The following ZNF514 variants were observed in gnomAD, a reference collection of about 807,000 sequenced individuals.
ZNF514 encodes zinc finger protein 514.
ZNF514 carries 12 observed loss-of-function variants against 9.7 expected under a neutral mutation model. That is an observed-to-expected ratio of 1.24 (90% CI 0.79 to 2.01). The LOEUF (loss-of-function observed/expected upper bound fraction) is 2.01. ZNF514 is among the 30% of genes most tolerant of loss of function. The probability of loss-of-function intolerance (pLI) is 0.00; values close to 1 mark genes in which losing one functional copy is unlikely to be tolerated. For missense variants in ZNF514, 467 were observed against 465.5 expected, an observed-to-expected ratio of 1.00 and a Z score of -0.03; for synonymous variants, 158 against 163.7, an observed-to-expected ratio of 0.97 and a Z score of 0.27.
rs750754146 is a variant in ZNF514 at position 95,145,341 on chromosome 2, T to C, written c.*3941A>G. On this transcript the variant is annotated 3_prime_UTR_variant, in exon 5 of 5. Coordinates refer to ENST00000295208, the MANE Select transcript of ZNF514 (RefSeq NM_032788.3). ...AGCATTAACATTAAAACAGAGACCT[T>C]AAGACTGACAAAAACAGGCTCTTTG... 9.2e-5 allele frequency among the ~76,000 whole-genome samples: 14 copies of C among 152,208 alleles called. No individual in the cohort carries two copies. Among genetic ancestry groups the C allele is most frequent in the Middle Eastern group, 6.8e-3 (2 of 294 alleles).
In ZNF514 at chr2:95,149,274, C is replaced by T. The variant is rs759034269; in HGVS notation, c.*8G>A. ...CTCCAGCTGAAAGCCCTTCTATATT[C>T]ACTGAATTTATAGGGTTTTTTTTCC... is the stretch of plus-strand genomic sequence containing the variant. On this transcript the variant is annotated 3_prime_UTR_variant, in exon 5 of 5. Transcript: ENST00000295208. The T allele has an allele frequency of 3.9e-6, 6 of 1,555,162 alleles. No individual in the cohort carries two copies. The highest frequency in any genetic ancestry group is 5.2e-6 in the Non-Finnish European group (6 of 1,153,892).
At chr2:95,132,729 G>A in the ZNF514 span, among the ~76,000 whole-genome samples, 4 of 151,838 alleles carry the variant, frequency 2.6e-5, no homozygotes, top group East Asian at 1.9e-4. Context: ...TAAGCCGGCC[G>A]TGGTGGCATG....
chr2:95,125,439 C>G, the ZNF514 span, among the ~76,000 whole-genome samples: 1 of 151,902 alleles, frequency 6.6e-6, no homozygotes, highest in Admixed American at 6.6e-5. Flanking sequence ...CAGGTTTCAC[C>G]ATGTTAGCCA....
chr2:95,139,582 T>A, the ZNF514 span, among the ~76,000 whole-genome samples: 1 of 145,028 alleles, frequency 6.9e-6, no homozygotes, highest in Non-Finnish European at 1.5e-5. Context: ...ACCCCTTGTA[T>A]CTTGAAAGTA....
At chr2:95,153,293 T>C (rs748194279) in intron 2 of ZNF514, 34 bp from the exon 3 acceptor site, 9 of 1,592,782 alleles carry the variant, frequency 5.7e-6, no homozygotes, top group South Asian at 5.6e-5. Flanking sequence ...TGTCCACTTA[T>C]ATGCTTATCA....
Position 95,147,771 on chromosome 2 carries a change from T to G in ZNF514, c.*1511A>C, listed in dbSNP as rs1673403711. The G allele has an allele frequency of 6.6e-6, 1 of 151,962 alleles. No homozygotes were observed. Among genetic ancestry groups the G allele is most frequent in the Admixed American group, 6.6e-5 (1 of 15,234 alleles). 9.4% of individuals were successfully genotyped at this position (151,962 alleles called of 1,614,324 possible). On this transcript the variant is annotated 3_prime_UTR_variant, in exon 5 of 5. Coordinates refer to ENST00000295208, the MANE Select transcript of ZNF514 (RefSeq NM_032788.3). Reference sequence around the variant, plus strand: ...CTCCTGTCTCAGCCTTCCAAGTAGCTGGGACTACAGGCGCCCGCCACCATG... The same window carrying G: ...CTCCTGTCTCAGCCTTCCAAGTAGCGGGGACTACAGGCGCCCGCCACCATG...
chr2:95,132,011 C>A, the ZNF514 span, among the ~76,000 whole-genome samples: 4 of 151,876 alleles, frequency 2.6e-5, no homozygotes, highest in Admixed American at 6.6e-5. Context: ...GGCATGGTGT[C>A]AGACACCTGT....
chr2:95,150,215 G>T lies in ZNF514; in HGVS notation c.270C>A (p.Ser90=). The T allele has an allele frequency of 6.3e-7, 1 of 1,596,116 alleles. No homozygotes were observed. Among genetic ancestry groups the T allele is most frequent in the Non-Finnish European group, 8.5e-7 (1 of 1,174,016 alleles). Residue 90 remains serine (S), a synonymous_variant, in exon 5 of 5, where the codon TCC becomes TCA. Coordinates refer to ENST00000295208, the MANE Select transcript of ZNF514 (RefSeq NM_032788.3). ...SKESMPSWGI[S]KEELFQVVSV... ...ATACTACCTGGAATAATTCTTCTTT[G>T]GAAATTCCCCAACTTGGCATTGATT...
the ZNF514 span, among the ~76,000 whole-genome samples, chr2:95,124,611 G>A: frequency 6.7e-6 from 1 of 149,842 alleles, no homozygotes; most frequent in Non-Finnish European, 1.5e-5. Context: ...GGCGATTCTC[G>A]TGCCTCAGTC....
chr2:95,135,429 T>TTC, the ZNF514 span, among the ~76,000 whole-genome samples: 2 of 151,060 alleles, frequency 1.3e-5, no homozygotes, highest in Non-Finnish European at 3.0e-5. Flanking sequence ...TTTTTTTTTT[T>TTC]TCTCTTTTTT....
the ZNF514 span, among the ~76,000 whole-genome samples, chr2:95,134,421 C>A: frequency 5.9e-5 from 9 of 152,298 alleles, no homozygotes; most frequent in Admixed American, 5.2e-4. Flanking sequence ...GGTTAAGGCT[C>A]TCCAGTTCCC....
Position 95,149,946 on chromosome 2 carries a change from T to G in ZNF514, c.539A>C (p.Lys180Thr). ...AGTCTGCCTGAATTCTGTATCACATTTATAAGATCCTTCTCCCATGAGAAT... is the reference window on the plus strand; with the variant it reads ...AGTCTGCCTGAATTCTGTATCACATGTATAAGATCCTTCTCCCATGAGAAT... ...HSILMGEGSY[K>T]CDTEFRQTLG... Residue 180 changes from lysine to threonine, a missense_variant, in exon 5 of 5, where the codon AAA becomes ACA. By Grantham distance (78) the Lys-to-Thr change is moderately conservative (BLOSUM62 -1). Transcript: ENST00000295208. 1.2e-6 allele frequency: 2 copies of G among 1,614,224 alleles called. No individual in the cohort carries two copies. The highest frequency in any genetic ancestry group is 1.7e-6 in the Non-Finnish European group (2 of 1,180,042).
At chr2:95,141,456 TA>T (rs1191386006), downstream of ZNF514, among the ~76,000 whole-genome samples, 2 of 152,136 alleles carry the variant, frequency 1.3e-5, no homozygotes, top group Non-Finnish European at 2.9e-5. Flanking sequence ...TAAGAACTGG[TA>T]ACTGGAAGGC....
chr2:95,142,171 A>G (rs1673249984), downstream of ZNF514, among the ~76,000 whole-genome samples: 1 of 152,164 alleles, frequency 6.6e-6, no homozygotes, highest in South Asian at 2.1e-4. Flanking sequence ...AGTACCCTCA[A>G]TCTTACCAAC....
At chr2:95,159,130 G>C in intron 1 of ZNF514, 110 bp downstream of exon 1, 1 of 876,876 alleles carries the variant, frequency 1.1e-6, no homozygotes, top group Non-Finnish European at 1.5e-6. Flanking sequence ...GGCGCGGCGG[G>C]GCCAGCGGAC....
chr2:95,137,454 C>T, the ZNF514 span, among the ~76,000 whole-genome samples: 2 of 152,092 alleles, frequency 1.3e-5, no homozygotes, highest in Non-Finnish European at 2.9e-5. Flanking sequence ...CTTAAATTAA[C>T]ATTGATGCAG....
intron 1 of ZNF514, chr2:95,158,800 C>A (rs937938060): frequency 2.4e-6 from 3 of 1,254,212 alleles, no homozygotes; most frequent in Non-Finnish European, 3.1e-6. Context: ...GCGGCTTCAG[C>A]CTTCTGGGTC....
In ZNF514 at chr2:95,153,130, C is replaced by A; in HGVS notation, c.121+3G>T. ...GGGTGGGCTTTGGAGGGCTTGTGCT[C>A]ACCCAGAATGGCCAAGTTCCTGAAG... On this transcript the variant is annotated splice_donor_region_variant and intron_variant, in intron 3 of 4. Coordinates refer to ENST00000295208, the MANE Select transcript of ZNF514 (RefSeq NM_032788.3). The A allele has an allele frequency of 6.2e-7, 1 of 1,611,364 alleles. No homozygotes were observed. The highest frequency in any genetic ancestry group is 1.1e-5 in the South Asian group (1 of 90,874).
the ZNF514 span, among the ~76,000 whole-genome samples, chr2:95,134,656 T>G: frequency 6.6e-6 from 1 of 152,216 alleles, no homozygotes; most frequent in Non-Finnish European, 1.5e-5. Flanking sequence ...CACCCTAGCT[T>G]AAAGAAACCA....
Sources: allele counts gnomAD v4.1 joint callset (sites outside exome capture counted in the v4.1 genomes callset), GRCh38; gene constraint gnomAD v4.1.1; transcripts MANE v1.5; gene names NCBI Gene and HGNC (gene_info 2026-07-23, HGNC 2026-07-21).